MYO9A: variants seen among roughly 807,000 people sequenced by gnomAD.
MYO9A encodes the protein unconventional myosin-IXa.
In MYO9A, 103 loss-of-function variants were observed where a neutral mutation model predicts 293.3. That is an observed-to-expected ratio of 0.35 (90% CI 0.30 to 0.41). The LOEUF is 0.41. MYO9A is among the 10% of genes least tolerant of loss of function. The pLI is 1.00. For missense variants in MYO9A, 2,685 were observed against 3,033.0 expected (o/e 0.89, Z 2.69); for synonymous variants, 1,001 against 1,035.7 (o/e 0.97, Z 0.64).
In MYO9A at chr15:72,043,332, T is replaced by C. The variant is rs28808678; in HGVS notation, c.840+2392A>G. Among the ~76,000 whole-genome samples, 633 of 152,254 alleles carry C rather than the reference T, an allele frequency of 4.2e-3. 7 individuals are homozygous for C. Among genetic ancestry groups the C allele is most frequent in the African/African-American group, 0.015 (605 of 41,548 alleles). On this transcript the variant is annotated intron_variant, in intron 2 of 41. Transcript: ENST00000356056. The stretch of plus-strand genomic sequence containing the variant: ...ACTTAATAAAAAGTTAAACACATAC[T>C]TATCATCTGATCTAGTCATTACATT...
chr15:72,027,523 A>G (rs886531184), intron 4 of MYO9A, among the ~76,000 whole-genome samples: 3 of 152,216 alleles, frequency 2.0e-5, no homozygotes, highest in African/African-American at 7.2e-5. Context: ...TTGTTCTGAC[A>G]GTTTGCAATA....
At chr15:71,827,373 A>G (rs1289496362) in intron 41 of MYO9A, among the ~76,000 whole-genome samples, 1 of 150,516 alleles carries the variant, frequency 6.6e-6, no homozygotes, top group African/African-American at 2.5e-5. Context: ...CCTCCTTTGT[A>G]TATGTATATA....
intron 32 of MYO9A, among the ~76,000 whole-genome samples, chr15:71,873,576 A>C (rs922522952): frequency 3.3e-5 from 5 of 152,268 alleles, no homozygotes; most frequent in African/African-American, 1.2e-4. Context: ...TTATTGAAAA[A>C]TCTGTCTTAT....
intron 39 of MYO9A, among the ~76,000 whole-genome samples, chr15:71,848,312 G>C (rs4777468): frequency 7.4e-4 from 112 of 151,948 alleles, no homozygotes; most frequent in Non-Finnish European, 1.6e-3. Flanking sequence ...ATAAATTATC[G>C]GTTTTACAAG....
chr15:72,112,228 TAAAAA>T (rs916029974), intron 1 of MYO9A, among the ~76,000 whole-genome samples: 1 of 151,112 alleles, frequency 6.6e-6, no homozygotes. Flanking sequence ...AATAAATAAA[TAAAAA>T]AAACACACAC....
intron 19 of MYO9A, among the ~76,000 whole-genome samples, chr15:71,913,108 T>C (rs1317528913): frequency 6.6e-6 from 1 of 152,078 alleles, no homozygotes; most frequent in Non-Finnish European, 1.5e-5. Flanking sequence ...GAGATTCCAA[T>C]TACATCTATG....
At chr15:71,959,324 C>A (rs938388946) in intron 14 of MYO9A, 3 of 152,176 alleles carry the variant, frequency 2.0e-5, no homozygotes, top group African/African-American at 7.2e-5. Context: ...AGTGCACATC[C>A]CAAAAAGCCA....
chr15:72,006,818 G>T (rs1380469207), intron 8 of MYO9A, among the ~76,000 whole-genome samples: 2 of 152,194 alleles, frequency 1.3e-5, no homozygotes, highest in South Asian at 2.1e-4. Context: ...TTTTGGAAAT[G>T]AGTGAAGTCT....
chr15:72,011,789 C>T (rs2077182631), intron 6 of MYO9A, among the ~76,000 whole-genome samples: 1 of 152,150 alleles, frequency 6.6e-6, no homozygotes, highest in Non-Finnish European at 1.5e-5. Flanking sequence ...CTCACATTTG[C>T]ATTTACATTT....
intron 18 of MYO9A, among the ~76,000 whole-genome samples, chr15:71,933,111 A>G: frequency 6.6e-6 from 1 of 152,262 alleles, no homozygotes; most frequent in Non-Finnish European, 1.5e-5. Context: ...TAAAATAATA[A>G]TATTTTATGG....
intron 12 of MYO9A, among the ~76,000 whole-genome samples, chr15:71,976,313 TAGTTA>T (rs2076147886): frequency 6.6e-6 from 1 of 152,204 alleles, no homozygotes; most frequent in African/African-American, 2.4e-5. Flanking sequence ...TCTGTAACAG[TAGTTA>T]TAGAAATGGG....
rs2078379908 is a variant in MYO9A at position 72,046,196 on chromosome 15, G to A, written c.368C>T (p.Ser123Leu). The A allele has an allele frequency of 1.2e-6, 2 of 1,613,976 alleles. No individual in the cohort carries two copies. Among genetic ancestry groups the A allele is most frequent in the Non-Finnish European group, 1.7e-6 (2 of 1,180,014 alleles). ...ACGTTCTTCTGTTACCCGTAGCCAT[G>A]ACTGCAGGCTACCATAATGGATTGA... The part of the protein sequence containing the change: ...DGSIHYGSLQ[S>L]WLRVTEERRR... Residue 123 changes from serine to leucine, a missense_variant, in exon 2 of 42, where the codon TCA becomes TTA. Ser to Leu is a moderately radical substitution (Grantham distance 145, BLOSUM62 -2). This residue lies in a region of MYO9A where 63 missense variants were observed against 57.9 expected (regional missense o/e 1.09). Transcript: ENST00000356056.
intron 32 of MYO9A, among the ~76,000 whole-genome samples, chr15:71,867,461 A>T (rs1165198970): frequency 1.3e-5 from 2 of 152,164 alleles, no homozygotes; most frequent in Non-Finnish European, 2.9e-5. Flanking sequence ...ACAACTGACA[A>T]ACCAGGAAAA....
intron 32 of MYO9A, among the ~76,000 whole-genome samples, chr15:71,865,563 A>G (rs1318937282): frequency 2.0e-5 from 3 of 152,212 alleles, no homozygotes; most frequent in African/African-American, 4.8e-5. Context: ...AAGGCCATAT[A>G]TATGATTATT....
chr15:72,038,736 C>T (rs2078137306), intron 2 of MYO9A, among the ~76,000 whole-genome samples: 1 of 152,198 alleles, frequency 6.6e-6, no homozygotes, highest in South Asian at 2.1e-4. Context: ...CATCACTGTA[C>T]AATCAACCAG....
intron 6 of MYO9A, among the ~76,000 whole-genome samples, chr15:72,011,107 T>C (rs2077159987): frequency 6.6e-6 from 1 of 151,768 alleles, no homozygotes; most frequent in African/African-American, 2.4e-5. Flanking sequence ...CCTCCCGGGC[T>C]CAGGTGATTC....
At chr15:72,018,048 G>A (rs1339485620) in intron 6 of MYO9A, among the ~76,000 whole-genome samples, 1 of 151,292 alleles carries the variant, frequency 6.6e-6, no homozygotes, top group East Asian at 1.9e-4. Flanking sequence ...ACAACATAGT[G>A]AGACTCTGTC....
rs56277057 is a variant in MYO9A at position 71,910,168 on chromosome 15, G to GTGTATATA, written c.2686-5163_2686-5162insTATATACA. 6.2e-3 allele frequency among the ~76,000 whole-genome samples: 800 copies of GTGTATATA among 128,316 alleles called. 13 individuals carry two copies. Among genetic ancestry groups the GTGTATATA allele is most frequent in the African/African-American group, 0.022 (749 of 34,720 alleles). The allele number at this position is 128,316 out of a possible 152,430, so 84.2% of individuals were successfully genotyped here. A position where few individuals can be genotyped will look rare whatever the true frequency, so the allele number is the denominator to read the frequency against. ...CGTGTGTGTGTATATATATATACGT[G>GTGTATATA]TATATATATATATAAAATCAGAAAC... On this transcript the variant is annotated intron_variant, in intron 19 of 41. Transcript: ENST00000356056.
intron 1 of MYO9A, 108 bp downstream of exon 1, chr15:72,117,572 G>C (rs2081041952): frequency 2.6e-6 from 1 of 379,092 alleles, no homozygotes; most frequent in Non-Finnish European, 4.7e-6. Flanking sequence ...CGCTCGCGGG[G>C]CGTCTCCGCT....
Sources: allele counts gnomAD v4.1 joint callset (sites outside exome capture counted in the v4.1 genomes callset), GRCh38; gene constraint gnomAD v4.1.1; regional missense constraint gnomAD v4.1.1; transcripts MANE v1.5; gene names NCBI Gene and HGNC (gene_info 2026-07-23, HGNC 2026-07-21).